CNTN5: variants seen among roughly 807,000 people sequenced by gnomAD.
CNTN5 encodes contactin 5.
CNTN5 carries 77 observed loss-of-function variants against 129.1 expected under a neutral mutation model. The observed-to-expected ratio is 0.60, with a 90% CI of 0.50 to 0.72. The LOEUF (loss-of-function observed/expected upper bound fraction) is 0.72, where lower values mean the gene tolerates loss of function less well. CNTN5 is among the 30% of genes least tolerant of loss of function. The probability of loss-of-function intolerance (pLI) is 0.00; values close to 1 mark genes in which losing one functional copy is unlikely to be tolerated. For missense variants in CNTN5, 1,478 were observed against 1,328.8 expected (o/e 1.11, Z -1.75); for synonymous variants, 509 against 465.6 (o/e 1.09, Z -1.20).
chr11:100,065,835 G>A (rs1943672711), intron 10 of CNTN5, among the ~76,000 whole-genome samples: 1 of 151,912 alleles, frequency 6.6e-6, no homozygotes, highest in African/African-American at 2.4e-5. Context: ...TAAAATCCTT[G>A]CCATTAGTTT....
Position 99,749,620 on chromosome 11 carries a change from A to C in CNTN5, c.56-69924A>C, listed in dbSNP as rs572374944. ...TCAGTTTGAGTCTAGTTGTTTTCAA[A>C]ATCCAGTAAAAGACTTTAATGAATG... is the stretch of plus-strand genomic sequence containing the variant. On this transcript the variant is annotated intron_variant, in intron 3 of 24. Transcript: ENST00000524871. 2.2e-4 allele frequency among the ~76,000 whole-genome samples: 34 copies of C among 152,332 alleles called. No homozygotes were observed. The South Asian group carries it at 4.6e-3, about 20-fold the overall frequency.
At chr11:99,468,343 A>G (rs1945027022) in intron 2 of CNTN5, among the ~76,000 whole-genome samples, 1 of 152,200 alleles carries the variant, frequency 6.6e-6, no homozygotes, top group Non-Finnish European at 1.5e-5. Flanking sequence ...ATAGCATAGT[A>G]TCAACACAAA....
intron 8 of CNTN5, among the ~76,000 whole-genome samples, chr11:99,968,146 T>G (rs1291849233): frequency 1.3e-5 from 2 of 152,194 alleles, no homozygotes; most frequent in Non-Finnish European, 2.9e-5. Context: ...ATCTCACTAC[T>G]TCCTAAGGCA....
chr11:99,342,448 C>G (rs1478094602), intron 2 of CNTN5, among the ~76,000 whole-genome samples: 1 of 150,888 alleles, frequency 6.6e-6, no homozygotes, highest in Non-Finnish European at 1.5e-5. Flanking sequence ...ATTTAAGAAG[C>G]AGGCAAACAG....
At chr11:100,164,379 C>A (rs886681742) in intron 13 of CNTN5, among the ~76,000 whole-genome samples, 1 of 151,748 alleles carries the variant, frequency 6.6e-6, no homozygotes, top group Non-Finnish European at 1.5e-5. Flanking sequence ...AATTAAAATA[C>A]AATCTTATTA....
At chr11:99,859,416 A>C (rs921269868) in intron 6 of CNTN5, among the ~76,000 whole-genome samples, 7 of 152,162 alleles carry the variant, frequency 4.6e-5, no homozygotes, top group Admixed American at 4.6e-4. Context: ...ACCTGGGTAC[A>C]TTGCATGATG....
chr11:99,883,286 C>T (rs1266620201), intron 6 of CNTN5, among the ~76,000 whole-genome samples: 1 of 152,130 alleles, frequency 6.6e-6, no homozygotes, highest in Non-Finnish European at 1.5e-5. Flanking sequence ...TTTGAGGAAC[C>T]TCCAAACTGT....
intron 1 of CNTN5, among the ~76,000 whole-genome samples, chr11:99,039,608 C>G (rs761124286): frequency 1.3e-5 from 2 of 152,084 alleles, no homozygotes; most frequent in African/African-American, 4.8e-5. Context: ...GCTGGAGTCA[C>G]GTACATTTCA....
chr11:100,050,684 A>G (rs1209342743), intron 9 of CNTN5, among the ~76,000 whole-genome samples: 1 of 151,944 alleles, frequency 6.6e-6, no homozygotes, highest in Non-Finnish European at 1.5e-5. Context: ...ACTATCTGCA[A>G]GAAAGCAACT....
chr11:99,746,569 G>A (rs1944062822), intron 3 of CNTN5, among the ~76,000 whole-genome samples: 1 of 152,156 alleles, frequency 6.6e-6, no homozygotes, highest in Non-Finnish European at 1.5e-5. Flanking sequence ...GTGGCTGCAT[G>A]CATTAGATTC....
chr11:99,525,128 AAAG>A lies in CNTN5; in HGVS notation c.-70-31016_-70-31014del, dbSNP rs1947436029. Among the ~76,000 whole-genome samples, 5 of 148,934 alleles carry A rather than the reference AAAG, an allele frequency of 3.4e-5. No individual in the cohort carries two copies. In the South Asian group the frequency reaches 1.1e-3, roughly 32 times the overall value. Reference sequence around the variant, plus strand: ...ACATTATTGTCATCATTTACCATGAAAAGCCAATTTAAAGGGAGGCTTTTTTTT... The same window carrying A: ...ACATTATTGTCATCATTTACCATGAACCAATTTAAAGGGAGGCTTTTTTTT... On this transcript the variant is annotated intron_variant, in intron 2 of 24. Transcript: ENST00000524871.
chr11:99,949,474 G>A (rs1177218487), intron 7 of CNTN5, among the ~76,000 whole-genome samples: 1 of 152,072 alleles, frequency 6.6e-6, no homozygotes, highest in Non-Finnish European at 1.5e-5. Context: ...GGGATTTGGG[G>A]GCTTTATCAG....
At chr11:99,932,769 C>G (rs1950222288) in intron 7 of CNTN5, among the ~76,000 whole-genome samples, 1 of 151,976 alleles carries the variant, frequency 6.6e-6, no homozygotes, top group Non-Finnish European at 1.5e-5. Context: ...GATGATGATG[C>G]CCTCTTCATT....
At chr11:100,287,056 A>C (rs934265933) in intron 18 of CNTN5, among the ~76,000 whole-genome samples, 3 of 152,106 alleles carry the variant, frequency 2.0e-5, no homozygotes, top group Admixed American at 2.0e-4. Flanking sequence ...AGTTTAGAGA[A>C]AAAAGAATAA....
intron 17 of CNTN5, among the ~76,000 whole-genome samples, chr11:100,263,481 AGACC>A (rs1476258581): frequency 5.3e-5 from 8 of 152,256 alleles, no homozygotes; most frequent in African/African-American, 1.9e-4. Context: ...CTGCATTGTT[AGACC>A]TCAGTTTGAT....
chr11:99,123,164 A>G (rs528662426), intron 1 of CNTN5, among the ~76,000 whole-genome samples: 1 of 152,196 alleles, frequency 6.6e-6, no homozygotes, highest in South Asian at 2.1e-4. Context: ...TCCCACCACC[A>G]GTGTATAATA....
intron 1 of CNTN5, among the ~76,000 whole-genome samples, chr11:99,292,346 C>G (rs1201452812): frequency 1.3e-5 from 2 of 151,204 alleles, no homozygotes; most frequent in East Asian, 3.9e-4. Flanking sequence ...CAAAGTAATA[C>G]TAAATCTGGG....
intron 2 of CNTN5, among the ~76,000 whole-genome samples, chr11:99,484,373 A>G (rs1945725211): frequency 6.6e-6 from 1 of 152,200 alleles, no homozygotes; most frequent in African/African-American, 2.4e-5. Context: ...AAAAGACAAA[A>G]AATAACAAAC....
chr11:99,671,745 G>C (rs1323789366), intron 3 of CNTN5, among the ~76,000 whole-genome samples: 2 of 151,914 alleles, frequency 1.3e-5, no homozygotes, highest in Non-Finnish European at 2.9e-5. Context: ...TACATTTTTT[G>C]AATAAAAATA....
Sources: allele counts gnomAD v4.1 joint callset (sites outside exome capture counted in the v4.1 genomes callset), GRCh38; gene constraint gnomAD v4.1.1; transcripts MANE v1.5; gene names NCBI Gene and HGNC (gene_info 2026-07-23, HGNC 2026-07-21).